Variants in NAT9 observed in about 807,000 individuals in gnomAD.
NAT9 encodes the protein alpha/beta-tubulin-N-acetyltransferase 9.
Under a neutral mutation model 24.0 loss-of-function variants are expected in NAT9, and 18 were observed. That is an observed-to-expected ratio of 0.75 (90% CI 0.52 to 1.11). The LOEUF is 1.11. NAT9 is among the 50% of genes most tolerant of loss of function. The pLI, the probability that NAT9 is intolerant of heterozygous loss-of-function variation, is 0.00. For missense variants in NAT9, 254 were observed against 258.6 expected (o/e 0.98, Z 0.12); for synonymous variants, 104 against 102.3 (o/e 1.02, Z -0.10).
chr17:74,775,933 C>G, intron 1 of NAT9: 1 of 445,050 alleles, frequency 2.2e-6, no homozygotes, highest in South Asian at 4.0e-5. Context: ...GCCTGGGCTC[C>G]GTTTCTGCCG....
At chr17:74,776,132 C>G (rs2036037884) in intron 1 of NAT9, 135 bp downstream of exon 1, 1 of 156,144 alleles carries the variant, frequency 6.4e-6, no homozygotes, top group Non-Finnish European at 1.4e-5. Context: ...GGGCTCTAGC[C>G]ACTCCCTCCC....
In NAT9 at chr17:74,773,179, TCAGCTCA is replaced by T. The variant is rs1358215135; in HGVS notation, c.191-147_191-141del. ...AGAAGAGGGGGTCCCAGAGCTTCCT[TCAGCTCA>T]TTACAAAATTCCAAATCTGCCTCAT... On this transcript the variant is annotated intron_variant, in intron 3 of 6. Transcript: ENST00000357814. 6 of 1,097,572 alleles carry T rather than the reference TCAGCTCA, an allele frequency of 5.5e-6. No homozygotes were observed. In the East Asian group the frequency reaches 1.6e-4, roughly 28 times the overall value. The allele number at this position is 1,097,572 out of a possible 1,614,324, so 68.0% of individuals were successfully genotyped here. A position where few individuals can be genotyped will look rare whatever the true frequency, so the allele number is the denominator to read the frequency against.
Position 74,771,601 on chromosome 17 carries a change from G to A in NAT9, c.*123C>T. ...ACAGCAAGCCCCGCCAGAGTCTGAA[G>A]GGCCTCGAAAGGTGATTCCCAGCCT... On this transcript the variant is annotated 3_prime_UTR_variant, in exon 7 of 7. Transcript: ENST00000357814. 4 of 1,438,696 alleles carry A rather than the reference G, an allele frequency of 2.8e-6. No individual in the cohort carries two copies. In the South Asian group the frequency reaches 3.9e-5, roughly 14 times the overall value. 89.1% of individuals were successfully genotyped at this position (1,438,696 alleles called of 1,614,324 possible). A position where few individuals can be genotyped will look rare whatever the true frequency, so the allele number is the denominator to read the frequency against.
chr17:74,775,816 C>T, intron 1 of NAT9, 109 bp from the exon 2 acceptor site: 1 of 735,822 alleles, frequency 1.4e-6, no homozygotes, highest in Non-Finnish European at 2.3e-6. Flanking sequence ...GTCATTAGTT[C>T]CGTCTAGACA....
Position 74,772,929 on chromosome 17 carries a change from G to C in NAT9, c.301C>G (p.Leu101Val). The change falls in exon 4 of 7, where the codon CTC becomes GTC. Residue 101 changes from leucine to valine, a missense_variant. Coordinates refer to ENST00000357814, the MANE Select transcript of NAT9 (RefSeq NM_015654.5). ...ATGACCTCGATCTCCCCCAAGGTGA[G>C]GTCTTCTAGATCTGTGAGGAAGAGG... ...VNLFLTDLED[L>V]TLGEIEVMIA... 1.2e-6 allele frequency: 2 copies of C among 1,614,182 alleles called. No homozygotes were observed. Among genetic ancestry groups the C allele is most frequent in the Non-Finnish European group, 1.7e-6 (2 of 1,180,020 alleles).
Position 74,771,117 on chromosome 17 carries a change from G to A in NAT9, c.*607C>T, listed in dbSNP as rs2035160633. 6.3e-6 allele frequency: 1 copy of A among 157,812 alleles called. No individual in the cohort carries two copies. Among genetic ancestry groups the A allele is most frequent in the Non-Finnish European group, 1.4e-5 (1 of 70,962 alleles). The allele number at this position is 157,812 out of a possible 1,614,324, so 9.8% of individuals were successfully genotyped here. On this transcript the variant is annotated 3_prime_UTR_variant, in exon 7 of 7. Transcript: ENST00000357814. ...CACTAATGCCTTTAAACTCAAGACT[G>A]GCTCCAGGAGAGAGGAGGACGGACA...
chr17:74,772,086 G>A, intron 5 of NAT9, 32 bp from the exon 6 acceptor site: 1 of 1,614,116 alleles, frequency 6.2e-7, no homozygotes, highest in Non-Finnish European at 8.5e-7. Flanking sequence ...GGGCAAGTAA[G>A]GAGGCGCCTG....
chr17:74,772,926 T>A lies in NAT9; in HGVS notation c.304A>T (p.Thr102Ser). 1 of 1,613,980 alleles carries A rather than the reference T, an allele frequency of 6.2e-7. No homozygotes were observed. The highest frequency in any genetic ancestry group is 2.2e-5 in the East Asian group (1 of 44,858). Residue 102 changes from threonine to serine, a missense_variant, in exon 4 of 7, where the codon ACC (threonine) becomes TCC (serine). By Grantham distance (58) the Thr-to-Ser change is moderately conservative. Coordinates refer to ENST00000357814, the MANE Select transcript of NAT9 (RefSeq NM_015654.5). ...NLFLTDLEDL[T>S]LGEIEVMIAE... Reference sequence around the variant, plus strand: ...ATCATGACCTCGATCTCCCCCAAGGTGAGGTCTTCTAGATCTGTGAGGAAG... The same window carrying A: ...ATCATGACCTCGATCTCCCCCAAGGAGAGGTCTTCTAGATCTGTGAGGAAG...
At chr17:74,772,439 C>T (rs373959878) in intron 4 of NAT9, 162 bp from the exon 5 acceptor site, 3 of 1,426,596 alleles carry the variant, frequency 2.1e-6, no homozygotes, top group Middle Eastern at 2.1e-4. Context: ...AAAGGCCTCA[C>T]AGCTTGCAAC....
At position 74,773,087 on chromosome 17, in the gene NAT9, A is replaced by G. The variant is rs766258523; in HGVS notation, c.191-48T>C. The G allele has an allele frequency of 3.7e-6, 6 of 1,600,320 alleles. No individual in the cohort carries two copies. The African/African-American group carries it at 5.4e-5, about 14-fold the overall frequency. On this transcript the variant is annotated intron_variant, in intron 3 of 6. Transcript: ENST00000357814. ...ATCACACACACTCCCCAGAGGAGAGAAGAGAGGATGGTACTCCTACCCAAG... is the reference window on the plus strand; with the variant it reads ...ATCACACACACTCCCCAGAGGAGAGGAGAGAGGATGGTACTCCTACCCAAG...
chr17:74,774,551 CT>C (rs34005401), intron 2 of NAT9, among the ~76,000 whole-genome samples: 64 of 130,148 alleles, frequency 4.9e-4, no homozygotes, highest in East Asian at 1.1e-3. Context: ...AGGCTGGTCT[CT>C]TTTTTTTTTT....
At position 74,773,786 on chromosome 17, in the gene NAT9, C is replaced by G. The variant is rs1480487586; in HGVS notation, c.78-98G>C. 2.9e-6 allele frequency: 3 copies of G among 1,017,162 alleles called. No individual in the cohort carries two copies. In the Admixed American group the frequency reaches 5.5e-5, roughly 19 times the overall value. 63.0% of individuals were successfully genotyped at this position (1,017,162 alleles called of 1,614,324 possible). A position where few individuals can be genotyped will look rare whatever the true frequency, so the allele number is the denominator to read the frequency against. ...AGAACCAGACAGGGCTAACATAGGG[C>G]TCAAAGAAGACCCAAAGGGTTATGA... is the stretch of plus-strand genomic sequence containing the variant. On this transcript the variant is annotated intron_variant, in intron 2 of 6. Transcript: ENST00000357814.
intron 3 of NAT9, 125 bp downstream of exon 3, chr17:74,773,451 G>A: frequency 3.6e-6 from 3 of 823,638 alleles, no homozygotes; most frequent in Non-Finnish European, 3.9e-6. Context: ...AGGAGTTCCA[G>A]CACCTTCCAG....
At chr17:74,775,876 G>T in intron 1 of NAT9, 169 bp from the exon 2 acceptor site, 1 of 544,920 alleles carries the variant, frequency 1.8e-6, no homozygotes, top group South Asian at 2.6e-5. Context: ...GAACCAGGCT[G>T]GTTAAGGATA....
intron 2 of NAT9, 165 bp from the exon 3 acceptor site, chr17:74,773,853 A>T (rs2035581906): frequency 1.7e-6 from 1 of 594,644 alleles, no homozygotes; most frequent in East Asian, 2.9e-5. Flanking sequence ...ACCCAGAAGC[A>T]AGCTAGTCTT....
At chr17:74,774,920 A>G (rs536753629) in intron 2 of NAT9, among the ~76,000 whole-genome samples, 36 of 148,800 alleles carry the variant, frequency 2.4e-4, no homozygotes, top group Middle Eastern at 3.6e-3. Flanking sequence ...CAGTGGTGTG[A>G]TCTCGGCTCA....
chr17:74,772,118 C>T lies in NAT9; in HGVS notation c.395-64G>A, dbSNP rs529469313. ...CCTGCCCCCACCCTCCTGTCCCAAGCTGCAGAGGAGGAACCTTCACCTGCC... is the reference window on the plus strand; with the variant it reads ...CCTGCCCCCACCCTCCTGTCCCAAGTTGCAGAGGAGGAACCTTCACCTGCC... On this transcript the variant is annotated intron_variant, in intron 5 of 6. Coordinates refer to ENST00000357814, the MANE Select transcript of NAT9 (RefSeq NM_015654.5). The T allele has an allele frequency of 5.6e-6, 9 of 1,613,762 alleles. No homozygotes were observed. In the African/African-American group the frequency reaches 1.2e-4, roughly 21 times the overall value.
intron 2 of NAT9, among the ~76,000 whole-genome samples, chr17:74,774,552 T>G (rs1383053499): frequency 1.2e-4 from 4 of 34,260 alleles, no homozygotes; most frequent in Non-Finnish European, 2.7e-4. Flanking sequence ...GGCTGGTCTC[T>G]TTTTTTTTTT....
chr17:74,774,103 A>T (rs780568501), intron 2 of NAT9: 17 of 185,076 alleles, frequency 9.2e-5, no homozygotes, highest in Non-Finnish European at 1.9e-4. Flanking sequence ...CCAATCTACC[A>T]GACATGTGCC....
Sources: gnomAD v4.1 joint callset for allele counts (sites outside exome capture counted in the v4.1 genomes callset) on GRCh38, gnomAD v4.1.1 for gene constraint, MANE v1.5 for transcripts, NCBI Gene and HGNC (gene_info 2026-07-23, HGNC 2026-07-21) for gene names.